The following TRIB2 variants were observed in gnomAD, a reference collection of about 807,000 sequenced individuals.
TRIB2 encodes tribbles homolog 2.
A neutral mutation model predicts 26.8 loss-of-function variants in TRIB2; 2 were observed. The observed-to-expected ratio is 0.07, with a 90% confidence interval of 0.03 to 0.24. TRIB2 has a LOEUF of 0.24. Ranked by LOEUF, TRIB2 falls within the 10% of genes least tolerant of loss-of-function variation. The pLI, the probability that TRIB2 is intolerant of heterozygous loss-of-function variation, is 1.00. For synonymous variants in TRIB2, 189 were observed against 187.3 expected (o/e 1.01, Z -0.08); for missense variants, 306 against 449.0 (o/e 0.68, Z 2.88).
chr2:12,721,292 G>A (rs573523353), intron 1 of TRIB2, among the ~76,000 whole-genome samples: 6 of 152,280 alleles, frequency 3.9e-5, no homozygotes, highest in Admixed American at 3.3e-4. Context: ...AGTGGAGCAG[G>A]ATAATAGGCT....
At chr2:12,731,921 A>C (rs1661467397) in intron 2 of TRIB2, among the ~76,000 whole-genome samples, 1 of 152,232 alleles carries the variant, frequency 6.6e-6, no homozygotes, top group Non-Finnish European at 1.5e-5. Flanking sequence ...AGCCTGCGGA[A>C]GCTTTGCGGA....
At position 12,723,244 on chromosome 2, in the gene TRIB2, G is replaced by C. The variant is rs1661264084; in HGVS notation, c.271-16G>C. 6.2e-7 allele frequency: 1 copy of C among 1,606,044 alleles called. No individual in the cohort carries two copies. The highest frequency in any genetic ancestry group is 8.5e-7 in the Non-Finnish European group (1 of 1,177,522). On this transcript the variant is annotated splice_polypyrimidine_tract_variant and intron_variant, in intron 1 of 2. Transcript: ENST00000155926. ...AGGCACCTCTGACTTTGGTCTTACTGTTAATCCTGTCGTAGGTGTTTGATA... is the reference window on the plus strand; with the variant it reads ...AGGCACCTCTGACTTTGGTCTTACTCTTAATCCTGTCGTAGGTGTTTGATA...
chr2:12,721,185 A>G (rs554927943), intron 1 of TRIB2, among the ~76,000 whole-genome samples: 5 of 152,298 alleles, frequency 3.3e-5, no homozygotes, highest in African/African-American at 4.8e-5. Flanking sequence ...TCTGTCCACC[A>G]TCTTGGAATT....
At position 12,718,121 on chromosome 2, in the gene TRIB2, C is replaced by T; in HGVS notation, c.-187C>T. The T allele has an allele frequency of 1.3e-6, 1 of 794,030 alleles. No individual in the cohort carries two copies. The highest frequency in any genetic ancestry group is 1.9e-6 in the Non-Finnish European group (1 of 519,342). 49.2% of individuals were successfully genotyped at this position (794,030 alleles called of 1,614,324 possible). A position where few individuals can be genotyped will look rare whatever the true frequency, so the allele number is the denominator to read the frequency against. On this transcript the variant is annotated 5_prime_UTR_variant, in exon 1 of 3. Transcript: ENST00000155926. This position sits in a 1 kb window ranked among gnomAD's most constrained non-coding sequence, Gnocchi z 4.0. ...GGACCCCCGGGAGCCGGGCTCGGAG[C>T]AGACGAGGTATCCGGCGGCGCCCAT...
intron 1 of TRIB2, among the ~76,000 whole-genome samples, chr2:12,722,933 A>G (rs932915248): frequency 3.3e-5 from 5 of 152,222 alleles, no homozygotes; most frequent in Non-Finnish European, 5.9e-5. Context: ...ATTGGGCTAG[A>G]GACAAAAGTA....
rs1666656189 is a variant in TRIB2, at chr2:12,718,711, A to T, written c.270+134A>T. On this transcript the variant is annotated intron_variant, in intron 1 of 2. Coordinates refer to ENST00000155926, the MANE Select transcript of TRIB2 (RefSeq NM_021643.4). The surrounding 1 kb of genome is among the most constrained non-coding windows in gnomAD (Gnocchi z 4.0). Reference sequence around the variant, plus strand: ...CCTTATTAAATGGGTTTATTTATTTATTTGCTCAGGTTCGGTAAGTTGCGA... The same window carrying T: ...CCTTATTAAATGGGTTTATTTATTTTTTTGCTCAGGTTCGGTAAGTTGCGA... 2 of 1,264,820 alleles carry T rather than the reference A, an allele frequency of 1.6e-6. No homozygotes were observed. Among genetic ancestry groups the T allele is most frequent in the African/African-American group, 3.0e-5 (2 of 65,974 alleles). The allele number at this position is 1,264,820 out of a possible 1,614,324, so 78.3% of individuals were successfully genotyped here.
chr2:12,738,103 G>C (rs35002856), intron 2 of TRIB2, among the ~76,000 whole-genome samples: 50,473 of 151,958 alleles, frequency 0.33, 10,100 homozygotes, highest in East Asian at 0.73. Flanking sequence ...AGGCATTAGA[G>C]TCAACCCAGG....
In TRIB2 at chr2:12,724,854, T is replaced by C. The variant is rs1460557611; in HGVS notation, c.563+1302T>C. ...TCTCATTTAGAAGATGAATATATGTTGACCCCCAACGATACTGACAAAGGT... is the reference window on the plus strand; with the variant it reads ...TCTCATTTAGAAGATGAATATATGTCGACCCCCAACGATACTGACAAAGGT... On this transcript the variant is annotated intron_variant, in intron 2 of 2. Coordinates refer to ENST00000155926, the MANE Select transcript of TRIB2 (RefSeq NM_021643.4). 24 of 1,603,750 alleles carry C rather than the reference T, an allele frequency of 1.5e-5. No homozygotes were observed. The Admixed American group carries it at 4.1e-4, about 27-fold the overall frequency.
At chr2:12,731,834 AATTCTGG>A (rs1308727479) in intron 2 of TRIB2, among the ~76,000 whole-genome samples, 3 of 152,146 alleles carry the variant, frequency 2.0e-5, no homozygotes, top group Non-Finnish European at 4.4e-5. Context: ...AGACTGGGAA[AATTCTGG>A]ACCCCGAAGC....
At position 12,742,218 on chromosome 2, in the gene TRIB2, G is replaced by T. The variant is rs190995392; in HGVS notation, c.*1424G>T. ...TGCTGTATGATACAGAACTCTTTTG[G>T]CATAAATATTTGTGTTCCCAGTACC... is the stretch of plus-strand genomic sequence containing the variant. On this transcript the variant is annotated 3_prime_UTR_variant, in exon 3 of 3. Transcript: ENST00000155926. 1.3e-5 allele frequency: 2 copies of T among 152,638 alleles called. No homozygotes were observed. Among genetic ancestry groups the T allele is most frequent in the East Asian group, 3.9e-4 (2 of 5,176 alleles). The allele number at this position is 152,638 out of a possible 1,614,324, so 9.5% of individuals were successfully genotyped here. A position where few individuals can be genotyped will look rare whatever the true frequency, so the allele number is the denominator to read the frequency against.
chr2:12,742,413 C>T lies in TRIB2; in HGVS notation c.*1619C>T, dbSNP rs1195112998. The T allele has an allele frequency of 6.6e-6, 1 of 152,638 alleles. No homozygotes were observed. Among genetic ancestry groups the T allele is most frequent in the Non-Finnish European group, 1.5e-5 (1 of 68,044 alleles). 9.5% of individuals were successfully genotyped at this position (152,638 alleles called of 1,614,324 possible). On this transcript the variant is annotated 3_prime_UTR_variant, in exon 3 of 3. Coordinates refer to ENST00000155926, the MANE Select transcript of TRIB2 (RefSeq NM_021643.4). ...GCTTTATGCCTGCGCAGCAGGAGCC[C>T]TGTCCTCACGTTCCCAGGAGGGCGG...
At chr2:12,729,323 G>T (rs982749600) in intron 2 of TRIB2, among the ~76,000 whole-genome samples, 4 of 152,194 alleles carry the variant, frequency 2.6e-5, no homozygotes, top group Admixed American at 6.5e-5. Flanking sequence ...AACAGGTTGG[G>T]CCTTGCTATT....
intron 2 of TRIB2, among the ~76,000 whole-genome samples, chr2:12,727,521 C>G (rs1441071489): frequency 2.6e-5 from 4 of 152,196 alleles, no homozygotes; most frequent in African/African-American, 7.2e-5. Context: ...GAACCTGAGG[C>G]TCAGAAAGGC....
intron 2 of TRIB2, among the ~76,000 whole-genome samples, chr2:12,730,989 A>T (rs1661440463): frequency 6.6e-6 from 1 of 152,176 alleles, no homozygotes; most frequent in African/African-American, 2.4e-5. Context: ...AGTCTTAGAT[A>T]TGGGGGTCAT....
intron 2 of TRIB2, among the ~76,000 whole-genome samples, chr2:12,738,045 C>T (rs767488281): frequency 1.1e-4 from 16 of 152,278 alleles, no homozygotes; most frequent in African/African-American, 2.9e-4. Flanking sequence ...GAAATTAATA[C>T]GGAAAGTAGT....
chr2:12,740,823 T>C lies in TRIB2; in HGVS notation c.*29T>C, dbSNP rs746410973. The C allele has an allele frequency of 1.2e-5, 19 of 1,592,628 alleles. No individual in the cohort carries two copies. The African/African-American group carries it at 2.6e-4, about 21-fold the overall frequency. On this transcript the variant is annotated 3_prime_UTR_variant, in exon 3 of 3. Coordinates refer to ENST00000155926, the MANE Select transcript of TRIB2 (RefSeq NM_021643.4). The surrounding 1 kb of genome is among the most constrained non-coding windows in gnomAD (Gnocchi z 5.8). ...CATGCCCCACGGAGACTTAGCAGGT[T>C]CCAGGAGTGAGCGAGGGCAGCGGAA...
chr2:12,728,488 TG>T (rs1661380666), intron 2 of TRIB2, among the ~76,000 whole-genome samples: 1 of 152,250 alleles, frequency 6.6e-6, no homozygotes, highest in Non-Finnish European at 1.5e-5. Flanking sequence ...GATTTCTCTC[TG>T]GGTTCAAGGC....
intron 2 of TRIB2, among the ~76,000 whole-genome samples, chr2:12,725,053 G>A (rs1308560483): frequency 1.3e-5 from 2 of 152,228 alleles, no homozygotes; most frequent in Non-Finnish European, 2.9e-5. Flanking sequence ...AAAGTGCAAC[G>A]TGGTGAAGTC....
At chr2:12,733,568 T>C (rs1369508010) in intron 2 of TRIB2, among the ~76,000 whole-genome samples, 1 of 152,206 alleles carries the variant, frequency 6.6e-6, no homozygotes, top group Non-Finnish European at 1.5e-5. Flanking sequence ...ACTTGTCTTT[T>C]ACTTTGTTTT....
Sources: allele counts gnomAD v4.1 joint callset (sites outside exome capture counted in the v4.1 genomes callset), GRCh38; gene constraint gnomAD v4.1.1; non-coding constraint Gnocchi (gnomAD v3.1); transcripts MANE v1.5; gene names NCBI Gene and HGNC (gene_info 2026-07-23, HGNC 2026-07-21).